Variants in MTAP observed in about 807,000 individuals in gnomAD.
MTAP encodes the protein S-methyl-5'-thioadenosine phosphorylase.
In MTAP, 33 loss-of-function variants were observed where a neutral mutation model predicts 33.6. That is an observed-to-expected ratio of 0.98 (90% CI 0.74 to 1.31). The LOEUF is 1.31. Ranked by LOEUF, MTAP falls within the 40% of genes most tolerant of loss-of-function variation. The pLI is 0.00. For synonymous variants in MTAP, 148 were observed against 125.7 expected (o/e 1.18, Z -1.19); for missense variants, 367 against 360.0 (o/e 1.02, Z -0.16).
intron 1 of MTAP, among the ~76,000 whole-genome samples, chr9:21,928,207 A>G (rs139050075): frequency 3.3e-5 from 5 of 152,340 alleles, no homozygotes; most frequent in African/African-American, 7.2e-5. Context: ...GTGGAAAGTC[A>G]TCAAGTGTTT....
chr9:21,829,383 G>A (rs1405976919), intron 4 of MTAP, among the ~76,000 whole-genome samples: 1 of 151,754 alleles, frequency 6.6e-6, no homozygotes, highest in Non-Finnish European at 1.5e-5. Context: ...ATGGAGGGCT[G>A]AATTGCACCA....
At chr9:21,876,867 T>G (rs1190894225) in intron 1 of MTAP, among the ~76,000 whole-genome samples, 1 of 151,854 alleles carries the variant, frequency 6.6e-6, no homozygotes, top group African/African-American at 2.4e-5. Flanking sequence ...TGGTTCCATG[T>G]GAATTAAAAA....
At chr9:21,873,873 A>G (rs1303558936) in intron 1 of MTAP, among the ~76,000 whole-genome samples, 1 of 152,114 alleles carries the variant, frequency 6.6e-6, no homozygotes, top group Non-Finnish European at 1.5e-5. Context: ...AAAAAAGGAC[A>G]TGTTCTTGGT....
intron 6 of MTAP, among the ~76,000 whole-genome samples, chr9:21,858,535 G>C (rs774314336): frequency 6.6e-6 from 1 of 152,162 alleles, no homozygotes; most frequent in Non-Finnish European, 1.5e-5. Flanking sequence ...GAGAGAGTGA[G>C]AGGAGAGGTG....
chr9:21,825,335 C>T (rs982831189), intron 4 of MTAP, among the ~76,000 whole-genome samples: 4 of 152,174 alleles, frequency 2.6e-5, no homozygotes, highest in Admixed American at 6.5e-5. Flanking sequence ...CTGCAGGGAC[C>T]ATGGAAGTGC....
rs769988855 is a variant in MTAP at position 21,859,369 on chromosome 9, A to G, written c.757A>G (p.Thr253Ala). The G allele has an allele frequency of 5.6e-6, 9 of 1,613,782 alleles. No individual in the cohort carries two copies. Among genetic ancestry groups the G allele is most frequent in the Non-Finnish European group, 7.6e-6 (9 of 1,179,808 alleles). The change falls in exon 7 of 8, where the codon ACT becomes GCT. Residue 253 changes from threonine (T) to alanine (A), a missense_variant. Physicochemically the swap from Thr to Ala is moderately conservative, Grantham distance 58. Coordinates refer to ENST00000644715, the MANE Select transcript of MTAP (RefSeq NM_002451.4). ...NANKAKSLLL[T>A]TIPQIGSTEW... ...TAATAAAGCCAAAAGCTTACTGCTC[A>G]CTACCATACCTCAGATAGGGTCCAC...
chr9:21,822,816 A>T (rs1824680750), intron 4 of MTAP, among the ~76,000 whole-genome samples: 1 of 152,168 alleles, frequency 6.6e-6, no homozygotes, highest in South Asian at 2.1e-4. Context: ...GGGCTCCTGT[A>T]TTGGGTGCAT....
At chr9:21,903,283 G>A (rs1372631283) in intron 1 of MTAP, among the ~76,000 whole-genome samples, 1 of 152,142 alleles carries the variant, frequency 6.6e-6, no homozygotes, top group Non-Finnish European at 1.5e-5. Flanking sequence ...CATGGCTTTC[G>A]TGAACAAGTT....
rs1825821066 is a variant in MTAP, at chr9:21,864,664, A to C, written c.*2650A>C. Reference sequence around the variant, plus strand: ...AGCACGAGTTGCTGTGCAGGGCTGGAGGTAGCTACCATGGCTTGTTTCAAG... The same window carrying C: ...AGCACGAGTTGCTGTGCAGGGCTGGCGGTAGCTACCATGGCTTGTTTCAAG... On this transcript the variant is annotated 3_prime_UTR_variant, in exon 8 of 8. Coordinates refer to ENST00000644715, the MANE Select transcript of MTAP (RefSeq NM_002451.4). 2.0e-6 allele frequency: 2 copies of C among 985,474 alleles called. No homozygotes were observed. The highest frequency in any genetic ancestry group is 1.1e-4 in the East Asian group (1 of 8,800). 61.0% of individuals were successfully genotyped at this position (985,474 alleles called of 1,614,324 possible).
At position 21,863,834 on chromosome 9, in the gene MTAP, A is replaced by G; in HGVS notation, c.*1820A>G. On this transcript the variant is annotated 3_prime_UTR_variant, in exon 8 of 8. Coordinates refer to ENST00000644715, the MANE Select transcript of MTAP (RefSeq NM_002451.4). ...TTCAAGATAATAAGCTGCTAATTGTAAACAAAACAGTTACCCTCCAGTATT... is the reference window on the plus strand; with the variant it reads ...TTCAAGATAATAAGCTGCTAATTGTGAACAAAACAGTTACCCTCCAGTATT... 1 of 985,800 alleles carries G rather than the reference A, an allele frequency of 1.0e-6. No individual in the cohort carries two copies. Among genetic ancestry groups the G allele is most frequent in the Non-Finnish European group, 1.2e-6 (1 of 829,936 alleles). The allele number at this position is 985,800 out of a possible 1,614,324, so 61.1% of individuals were successfully genotyped here.
At chr9:21,938,940 A>G (rs925291496), downstream of MTAP, among the ~76,000 whole-genome samples, 4 of 152,224 alleles carry the variant, frequency 2.6e-5, no homozygotes, top group Non-Finnish European at 5.9e-5. Flanking sequence ...AGAAAAATTA[A>G]TTACATGGTG....
intron 4 of MTAP, 70 bp from the exon 5 acceptor site, chr9:21,837,838 C>T (rs371642468): frequency 3.2e-6 from 4 of 1,264,764 alleles, no homozygotes; most frequent in African/African-American, 1.5e-5. Context: ...GTTGACTCAC[C>T]AGCCCTCGGA....
intron 1 of MTAP, among the ~76,000 whole-genome samples, chr9:21,876,395 T>C (rs763594089): frequency 1.7e-4 from 26 of 152,198 alleles, no homozygotes; most frequent in Non-Finnish European, 1.3e-4. Flanking sequence ...TGTCAATTTT[T>C]GCTTTTGTTG....
chr9:21,887,126 T>G (rs375969556), intron 1 of MTAP, among the ~76,000 whole-genome samples: 3 of 152,286 alleles, frequency 2.0e-5, no homozygotes, highest in East Asian at 3.9e-4. Context: ...TTATTATTAT[T>G]ATACTTTAAA....
At chr9:21,929,314 G>A (rs1015199602) in intron 1 of MTAP, 3 of 155,748 alleles carry the variant, frequency 1.9e-5, no homozygotes, top group Admixed American at 1.3e-4. Flanking sequence ...TCAAAGTAAG[G>A]TGATCCTAGT....
intron 1 of MTAP, among the ~76,000 whole-genome samples, chr9:21,909,896 T>A (rs1818542344): frequency 6.6e-6 from 1 of 152,180 alleles, no homozygotes; most frequent in African/African-American, 2.4e-5. Context: ...ATAATAACAG[T>A]GGCATAACCA....
chr9:21,871,773 CAT>C (rs1334207936), downstream of MTAP, among the ~76,000 whole-genome samples: 1 of 152,114 alleles, frequency 6.6e-6, no homozygotes, highest in Non-Finnish European at 1.5e-5. Context: ...ACCTGCAGCT[CAT>C]ATTACTCATA....
chr9:21,845,078 A>C (rs1212584454), intron 5 of MTAP, among the ~76,000 whole-genome samples: 1 of 151,894 alleles, frequency 6.6e-6, no homozygotes, highest in Non-Finnish European at 1.5e-5. Flanking sequence ...CCAGTGTTAT[A>C]TTGAACAGGG....
At chr9:21,802,842 C>T (rs1468688055) in intron 1 of MTAP, 61 bp downstream of exon 1, 1 of 1,600,542 alleles carries the variant, frequency 6.2e-7, no homozygotes, top group Non-Finnish European at 8.5e-7. Context: ...CGCCCCCGCG[C>T]CGGGGGACCG....
Sources: gnomAD v4.1 joint callset for allele counts (sites outside exome capture counted in the v4.1 genomes callset) on GRCh38, gnomAD v4.1.1 for gene constraint, MANE v1.5 for transcripts, NCBI Gene and HGNC (gene_info 2026-07-23, HGNC 2026-07-21) for gene names.